Variants in SGO2 observed in about 807,000 individuals in gnomAD.
The protein encoded by SGO2 is shugoshin 2, also known as shugoshin-like 2.
SGO2 carries 68 observed loss-of-function variants against 99.5 expected under a neutral mutation model. That is an observed-to-expected ratio of 0.68 (90% CI 0.56 to 0.84). The LOEUF (loss-of-function observed/expected upper bound fraction) is 0.84. Ranked by LOEUF, SGO2 falls within the 40% of genes least tolerant of loss-of-function variation. The pLI is 0.00. For missense variants in SGO2, 1,350 were observed against 1,436.7 expected (o/e 0.94, Z 0.97); for synonymous variants, 457 against 487.1 (o/e 0.94, Z 0.81).
At chr2:200,577,165 A>T (rs951385561) in intron 8 of SGO2, among the ~76,000 whole-genome samples, 20 of 152,054 alleles carry the variant, frequency 1.3e-4, no homozygotes, top group Non-Finnish European at 2.6e-4. Flanking sequence ...GATGATTTTT[A>T]AAAATTTCTC....
At chr2:200,553,781 G>C (rs1289064016) in intron 5 of SGO2, among the ~76,000 whole-genome samples, 1 of 152,106 alleles carries the variant, frequency 6.6e-6, no homozygotes, top group Non-Finnish European at 1.5e-5. Context: ...CCCAGCCATG[G>C]GTTTGTACCC....
intron 8 of SGO2, among the ~76,000 whole-genome samples, chr2:200,582,796 A>G (rs2033883042): frequency 6.6e-6 from 1 of 152,170 alleles, no homozygotes; most frequent in African/African-American, 2.4e-5. Flanking sequence ...AACAGCAATC[A>G]GACACAGAAT....
intron 1 of SGO2, among the ~76,000 whole-genome samples, chr2:200,527,831 A>G (rs1025682549): frequency 6.6e-6 from 1 of 152,244 alleles, no homozygotes; most frequent in African/African-American, 2.4e-5. Flanking sequence ...ATTTAATTTT[A>G]TCTTAGACAT....
chr2:200,556,174 C>T (rs1328443333), intron 5 of SGO2, among the ~76,000 whole-genome samples: 6 of 152,150 alleles, frequency 3.9e-5, no homozygotes, highest in Non-Finnish European at 7.4e-5. Context: ...CATTGTTGGC[C>T]AGGCTGGTCT....
intron 5 of SGO2, among the ~76,000 whole-genome samples, chr2:200,544,115 A>G (rs2032094403): frequency 1.3e-5 from 2 of 152,202 alleles, no homozygotes; most frequent in Non-Finnish European, 2.9e-5. Context: ...TACAGTATGT[A>G]TGTTTGTCTC....
intron 4 of SGO2, among the ~76,000 whole-genome samples, chr2:200,537,588 A>G (rs2031752609): frequency 6.6e-6 from 1 of 152,052 alleles, no homozygotes; most frequent in Non-Finnish European, 1.5e-5. Flanking sequence ...ATTCCTTTTC[A>G]GTCTGTTTGC....
Position 200,573,120 on chromosome 2 carries a change from AG to A in SGO2, c.2776del (p.Asp926IlefsTer20). The A allele has an allele frequency of 1.9e-6, 3 of 1,591,616 alleles. No individual in the cohort carries two copies. The highest frequency in any genetic ancestry group is 2.6e-6 in the Non-Finnish European group (3 of 1,174,270). ...ATTTCTGAAATGAACCAGATATATG[AG>A]GATAATGATAAAGATGCACATGTCC... Reference protein sequence around the residue: ...EIISEMNQIYEDNDKDAHVQE... With the variant: ...EIISEMNQIYXDNDKDAHVQE... On this transcript the variant is annotated frameshift_variant, in exon 7 of 9. Coordinates refer to ENST00000357799, the MANE Select transcript of SGO2 (RefSeq NM_152524.6). LOFTEE classifies it high-confidence loss of function.
chr2:200,576,434 G>A (rs1307872691), intron 8 of SGO2, among the ~76,000 whole-genome samples: 1 of 152,054 alleles, frequency 6.6e-6, no homozygotes. Flanking sequence ...AAAGTAGCTG[G>A]GCATGGTGGC....
chr2:200,533,531 G>A (rs970148039), intron 2 of SGO2, among the ~76,000 whole-genome samples: 2 of 146,968 alleles, frequency 1.4e-5, no homozygotes, highest in Admixed American at 6.8e-5. Context: ...GTGTGTGTGT[G>A]TGTGTGTGTG....
rs191594144 is a variant in SGO2 at position 200,583,452 on chromosome 2, G to C, written c.3786G>C (p.Lys1262Asn). 6.3e-7 allele frequency: 1 copy of C among 1,584,828 alleles called. No homozygotes were observed. Among genetic ancestry groups the C allele is most frequent in the African/African-American group, 1.4e-5 (1 of 73,964 alleles). Residue 1262 changes from lysine (K) to asparagine (N), a missense_variant, in exon 9 of 9, where the codon AAG becomes AAC. By Grantham distance (94) the Lys-to-Asn change is moderately conservative. Transcript: ENST00000357799. ...FYFKEPSLRD[K>N]MRR Reference sequence around the variant, plus strand: ...TTCCTTTTTTTCTACTTTGCAGCAAGATGAGAAGATGAAGTGAATTTATGG... The same window carrying C: ...TTCCTTTTTTTCTACTTTGCAGCAACATGAGAAGATGAAGTGAATTTATGG...
chr2:200,555,735 C>T (rs551407317), intron 5 of SGO2, among the ~76,000 whole-genome samples: 2 of 152,178 alleles, frequency 1.3e-5, no homozygotes, highest in East Asian at 3.8e-4. Flanking sequence ...CAAATTATTA[C>T]ACCCCAATGT....
chr2:200,533,354 A>G, intron 2 of SGO2: 3 of 292,010 alleles, frequency 1.0e-5, no homozygotes, highest in Non-Finnish European at 1.3e-5. Flanking sequence ...CAAGACAGCT[A>G]CTTTCTACAG....
intron 4 of SGO2, among the ~76,000 whole-genome samples, chr2:200,538,950 C>CTA (rs963925748): frequency 6.6e-6 from 1 of 151,202 alleles, no homozygotes; most frequent in African/African-American, 2.4e-5. Context: ...GGTTTTTTTT[C>CTA]TATGCATGGA....
At chr2:200,545,575 A>G (rs1244092655) in intron 5 of SGO2, among the ~76,000 whole-genome samples, 1 of 152,140 alleles carries the variant, frequency 6.6e-6, no homozygotes, top group Admixed American at 6.5e-5. Context: ...CAGTGCCAAG[A>G]TCTACCACCA....
intron 7 of SGO2, 60 bp downstream of exon 7, chr2:200,574,037 G>C: frequency 1.5e-6 from 2 of 1,357,064 alleles, no homozygotes; most frequent in Non-Finnish European, 9.8e-7. Context: ...TTTTGTTTTC[G>C]TTTTTTACTT....
intron 5 of SGO2, among the ~76,000 whole-genome samples, chr2:200,554,631 T>C (rs968898837): frequency 6.6e-6 from 1 of 152,198 alleles, no homozygotes; most frequent in African/African-American, 2.4e-5. Context: ...TAATGATTAA[T>C]AACATACACT....
At position 200,570,509 on chromosome 2, in the gene SGO2, T is replaced by G. The variant is rs557953036; in HGVS notation, c.704-541T>G. The stretch of plus-strand genomic sequence containing the variant: ...GTGTGTGTGTGTGTGTGTGTGTGTG[T>G]GGGCATATGTATATGTATATAATAT... On this transcript the variant is annotated intron_variant, in intron 6 of 8. Coordinates refer to ENST00000357799, the MANE Select transcript of SGO2 (RefSeq NM_152524.6). The surrounding 1 kb of genome is among the most constrained non-coding windows in gnomAD (Gnocchi z 4.4). Among the ~76,000 whole-genome samples the G allele has an allele frequency of 1.3e-5, 2 of 149,416 alleles. No individual in the cohort carries two copies. Among genetic ancestry groups the G allele is most frequent in the East Asian group, 1.9e-4 (1 of 5,140 alleles).
chr2:200,527,758 A>G (rs1458091823), intron 1 of SGO2, among the ~76,000 whole-genome samples: 1 of 152,256 alleles, frequency 6.6e-6, no homozygotes, highest in Non-Finnish European at 1.5e-5. Context: ...AACAAATTTG[A>G]CAAAAGTTTA....
At chr2:200,534,202 G>A (rs567247075) in intron 2 of SGO2, among the ~76,000 whole-genome samples, 3 of 152,246 alleles carry the variant, frequency 2.0e-5, no homozygotes, top group Admixed American at 6.5e-5. Context: ...ATTGAATAGT[G>A]AAATGTAAGT....
Sources: allele counts gnomAD v4.1 joint callset (sites outside exome capture counted in the v4.1 genomes callset), GRCh38; gene constraint gnomAD v4.1.1; non-coding constraint Gnocchi (gnomAD v3.1); transcripts MANE v1.5; gene names NCBI Gene and HGNC (gene_info 2026-07-23, HGNC 2026-07-21).